RSRC1: variants seen among roughly 807,000 people sequenced by gnomAD.
RSRC1 encodes the protein serine/Arginine-related protein 53.
In RSRC1, 39 loss-of-function variants were observed where a neutral mutation model predicts 49.1. The ratio of observed to expected loss-of-function variants is 0.79; its 90% CI spans 0.61 to 1.04. RSRC1 has a LOEUF of 1.04. Among genes scored for constraint, RSRC1 ranks in the 50% least tolerant of loss-of-function variants. RSRC1 has a pLI of 0.00. For missense variants in RSRC1, 388 were observed against 402.4 expected (o/e 0.96, Z 0.31); for synonymous variants, 143 against 130.8 (o/e 1.09, Z -0.63).
chr3:158,536,269 T>C (rs1712708255), intron 7 of RSRC1, among the ~76,000 whole-genome samples: 1 of 151,390 alleles, frequency 6.6e-6, no homozygotes, highest in Non-Finnish European at 1.5e-5. Flanking sequence ...TAGAGGAACA[T>C]GTTAAAGAAT....
At chr3:158,501,130 A>G (rs557102252) in intron 7 of RSRC1, among the ~76,000 whole-genome samples, 1 of 152,324 alleles carries the variant, frequency 6.6e-6, no homozygotes, top group South Asian at 2.1e-4. Flanking sequence ...ATGCTCATTC[A>G]GGAGCAGGTT....
At chr3:158,229,538 T>G (rs910870008) in intron 4 of RSRC1, among the ~76,000 whole-genome samples, 23 of 149,370 alleles carry the variant, frequency 1.5e-4, no homozygotes, top group Admixed American at 6.0e-4. Flanking sequence ...GTGTGTGTGT[T>G]TTTTGTTTTT....
rs538744555 is a variant in RSRC1 at position 158,439,057 on chromosome 3, GA to G, written c.584-21872del. 2.0e-4 allele frequency among the ~76,000 whole-genome samples: 30 copies of G among 152,196 alleles called. 1 individual carries two copies. In the South Asian group the frequency reaches 6.2e-3, roughly 32 times the overall value. On this transcript the variant is annotated intron_variant, in intron 6 of 9. Coordinates refer to ENST00000611884, the MANE Select transcript of RSRC1 (RefSeq NM_001271838.2). ...ACATTTATGCAGCCAAAAGACACAT[GA>G]AAAAATGCTCATCATCACTGGCCAT...
At chr3:158,439,394 G>T (rs571746648) in intron 6 of RSRC1, among the ~76,000 whole-genome samples, 4 of 152,056 alleles carry the variant, frequency 2.6e-5, no homozygotes, top group African/African-American at 7.2e-5. Flanking sequence ...ATTCACAATA[G>T]CAAAGACTTG....
chr3:158,135,410 C>T (rs1207369710), intron 3 of RSRC1, among the ~76,000 whole-genome samples: 3 of 151,402 alleles, frequency 2.0e-5, no homozygotes, highest in African/African-American at 2.4e-5. Flanking sequence ...GCTGGGATTA[C>T]AGGCATGCAC....
intron 6 of RSRC1, among the ~76,000 whole-genome samples, chr3:158,431,782 A>T (rs1275425010): frequency 1.3e-5 from 2 of 151,944 alleles, no homozygotes; most frequent in Admixed American, 1.3e-4. Context: ...GTTGATTTTT[A>T]GGCATTAATT....
At chr3:158,491,823 G>A (rs1307780362) in intron 7 of RSRC1, among the ~76,000 whole-genome samples, 1 of 152,038 alleles carries the variant, frequency 6.6e-6, no homozygotes, top group East Asian at 1.9e-4. Context: ...CATTCTGAGT[G>A]GAATGTCATT....
intron 6 of RSRC1, among the ~76,000 whole-genome samples, chr3:158,422,270 C>A (rs1735110403): frequency 7.1e-6 from 1 of 141,060 alleles, no homozygotes. Flanking sequence ...GTTCCCCTTC[C>A]TGTGTCCATG....
intron 3 of RSRC1, among the ~76,000 whole-genome samples, chr3:158,149,191 C>T (rs924016977): frequency 6.6e-6 from 1 of 152,156 alleles, no homozygotes; most frequent in Non-Finnish European, 1.5e-5. Flanking sequence ...TCTTTTTACT[C>T]TTAAGTGTTT....
intron 1 of RSRC1, among the ~76,000 whole-genome samples, chr3:158,116,735 C>A (rs1043903983): frequency 2.9e-5 from 2 of 68,352 alleles, no homozygotes; most frequent in African/African-American, 1.2e-4. Flanking sequence ...CTTCTTGAGT[C>A]CCCTGAAAAG....
At chr3:158,527,570 A>G (rs920014923) in intron 7 of RSRC1, among the ~76,000 whole-genome samples, 3 of 152,082 alleles carry the variant, frequency 2.0e-5, no homozygotes, top group East Asian at 1.9e-4. Context: ...GTAAAATATA[A>G]GACTCTGGAG....
intron 3 of RSRC1, among the ~76,000 whole-genome samples, chr3:158,141,365 C>T (rs569173983): frequency 3.3e-5 from 5 of 152,156 alleles, no homozygotes; most frequent in South Asian, 2.1e-4. Context: ...ATCATCTTTA[C>T]GTAAAATTTC....
chr3:158,169,682 T>C (rs1718757089), intron 3 of RSRC1, among the ~76,000 whole-genome samples: 1 of 152,172 alleles, frequency 6.6e-6, no homozygotes. Flanking sequence ...CCCCATCTGC[T>C]TCTCTTGGCT....
chr3:158,404,085 A>G (rs1734030268), intron 6 of RSRC1, among the ~76,000 whole-genome samples: 2 of 151,936 alleles, frequency 1.3e-5, no homozygotes, highest in African/African-American at 4.8e-5. Context: ...CTTGGGGGTG[A>G]CAGCTTGCAG....
At chr3:158,179,580 GTTC>G (rs997591212) in intron 3 of RSRC1, among the ~76,000 whole-genome samples, 4 of 152,026 alleles carry the variant, frequency 2.6e-5, no homozygotes, top group Admixed American at 6.6e-5. Flanking sequence ...TCAGTAACTT[GTTC>G]TTCTTATTGC....
intron 4 of RSRC1, among the ~76,000 whole-genome samples, chr3:158,215,897 G>A (rs1721920076): frequency 6.6e-6 from 1 of 151,640 alleles, no homozygotes; most frequent in Non-Finnish European, 1.5e-5. Context: ...CTCTTGTGTT[G>A]TAGGGTTAAT....
intron 3 of RSRC1, among the ~76,000 whole-genome samples, chr3:158,173,950 G>C (rs916076386): frequency 6.6e-6 from 1 of 151,742 alleles, no homozygotes; most frequent in Non-Finnish European, 1.5e-5. Context: ...GGGTTGGGGT[G>C]GGGGGTGGAA....
At chr3:158,468,021 C>G (rs1737964650) in intron 7 of RSRC1, among the ~76,000 whole-genome samples, 1 of 152,178 alleles carries the variant, frequency 6.6e-6, no homozygotes, top group Non-Finnish European at 1.5e-5. Context: ...GCAAGCTCTG[C>G]CTCCTGGGTT....
intron 3 of RSRC1, among the ~76,000 whole-genome samples, chr3:158,144,905 T>A (rs13082712): frequency 0.38 from 58,180 of 152,060 alleles, 11,967 homozygotes; most frequent in East Asian, 0.62. Flanking sequence ...GCATTTTTTC[T>A]TGTGTCTGTT....
Sources: allele counts gnomAD v4.1 joint callset (sites outside exome capture counted in the v4.1 genomes callset), GRCh38; gene constraint gnomAD v4.1.1; transcripts MANE v1.5; gene names NCBI Gene and HGNC (gene_info 2026-07-23, HGNC 2026-07-21).